The following CDK6 variants were observed in gnomAD, a reference collection of about 807,000 sequenced individuals.
CDK6 encodes the protein cyclin dependent kinase 6.
A neutral mutation model predicts 37.1 loss-of-function variants in CDK6; 6 were observed. That is an observed-to-expected ratio of 0.16 (90% CI 0.09 to 0.32). The LOEUF (loss-of-function observed/expected upper bound fraction) is 0.32, where lower values mean the gene tolerates loss of function less well. Ranked by LOEUF, CDK6 falls within the 10% of genes least tolerant of loss-of-function variation. The pLI is 1.00. For missense variants in CDK6, 224 were observed against 418.9 expected, an observed-to-expected ratio of 0.53 and a Z score of 4.06; for synonymous variants, 160 against 161.3, an observed-to-expected ratio of 0.99 and a Z score of 0.06.
At chr7:92,651,840 T>C (rs1796581580) in intron 5 of CDK6, among the ~76,000 whole-genome samples, 1 of 151,894 alleles carries the variant, frequency 6.6e-6, no homozygotes, top group Non-Finnish European at 1.5e-5. Flanking sequence ...CCCTGGGATC[T>C]TGGAGAGGGG....
At chr7:92,667,126 TAAA>T (rs1367966770) in intron 5 of CDK6, among the ~76,000 whole-genome samples, 1 of 152,024 alleles carries the variant, frequency 6.6e-6, no homozygotes, top group Non-Finnish European at 1.5e-5. Flanking sequence ...AGTAAAAAAA[TAAA>T]AAATTTAAAA....
intron 3 of CDK6, among the ~76,000 whole-genome samples, chr7:92,739,946 A>G (rs1210237260): frequency 1.3e-5 from 2 of 152,048 alleles, no homozygotes; most frequent in African/African-American, 4.8e-5. Context: ...TTTTGTAGAG[A>G]CAGAGTCTTG....
chr7:92,738,858 C>T (rs543903257), intron 3 of CDK6, among the ~76,000 whole-genome samples: 1 of 152,190 alleles, frequency 6.6e-6, no homozygotes, highest in South Asian at 2.1e-4. Context: ...CGCCTCTTGC[C>T]TTCAAACTTT....
intron 2 of CDK6, among the ~76,000 whole-genome samples, chr7:92,830,875 T>C (rs559167647): frequency 3.5e-4 from 53 of 152,292 alleles, no homozygotes; most frequent in South Asian, 2.5e-3. Flanking sequence ...GCCTGTAATG[T>C]CTGGGTTTGA....
At chr7:92,638,117 G>A (rs986331860) in intron 5 of CDK6, among the ~76,000 whole-genome samples, 3 of 152,104 alleles carry the variant, frequency 2.0e-5, no homozygotes, top group Admixed American at 6.5e-5. Context: ...CTGTGGTTTT[G>A]CATGCTAAAA....
At chr7:92,655,022 T>C (rs1457798305) in intron 5 of CDK6, among the ~76,000 whole-genome samples, 1 of 151,280 alleles carries the variant, frequency 6.6e-6, no homozygotes, top group African/African-American at 2.4e-5. Flanking sequence ...TTTTTTTTTT[T>C]TTTTGTAGAG....
At chr7:92,745,067 A>C (rs562204727) in intron 3 of CDK6, among the ~76,000 whole-genome samples, 24 of 152,338 alleles carry the variant, frequency 1.6e-4, no homozygotes, top group Admixed American at 1.2e-3. Context: ...GCTAATTAAC[A>C]TGTCCATTTT....
chr7:92,824,312 C>A (rs2115995197), intron 2 of CDK6, among the ~76,000 whole-genome samples: 1 of 151,812 alleles, frequency 6.6e-6, no homozygotes, highest in African/African-American at 2.4e-5. Flanking sequence ...AGCAGAAATT[C>A]CAAAGTATGA....
intron 6 of CDK6, 96 bp from the exon 7 acceptor site, chr7:92,618,303 C>G (rs2116485658): frequency 1.6e-6 from 2 of 1,260,674 alleles, no homozygotes; most frequent in Non-Finnish European, 2.3e-6. Flanking sequence ...AAGGGGGAGA[C>G]ATGGGGGGCA....
At chr7:92,765,890 A>G (rs1799568025) in intron 3 of CDK6, among the ~76,000 whole-genome samples, 1 of 152,204 alleles carries the variant, frequency 6.6e-6, no homozygotes, top group Admixed American at 6.5e-5. Context: ...TCAGAGAAGG[A>G]ATGATGAAGA....
At chr7:92,820,606 G>C (rs1468535016) in intron 2 of CDK6, among the ~76,000 whole-genome samples, 1 of 152,086 alleles carries the variant, frequency 6.6e-6, no homozygotes, top group Non-Finnish European at 1.5e-5. Flanking sequence ...TGCCCAAAGT[G>C]AAAGTATGAA....
chr7:92,722,475 T>G (rs570614604), intron 4 of CDK6, among the ~76,000 whole-genome samples: 1 of 152,208 alleles, frequency 6.6e-6, no homozygotes, highest in East Asian at 1.9e-4. Flanking sequence ...CGTCAACTTT[T>G]CACTCCTAAC....
intron 4 of CDK6, among the ~76,000 whole-genome samples, chr7:92,703,919 C>T (rs1797910544): frequency 1.3e-5 from 2 of 152,172 alleles, no homozygotes; most frequent in Non-Finnish European, 2.9e-5. Context: ...CTCAGACTAC[C>T]TCCCTGATCT....
Position 92,615,117 on chromosome 7 carries a change from A to G in CDK6, c.*23T>C. The G allele has an allele frequency of 1.9e-6, 3 of 1,612,634 alleles. No homozygotes were observed. The highest frequency in any genetic ancestry group is 2.5e-6 in the Non-Finnish European group (3 of 1,179,754). Reference sequence around the variant, plus strand: ...CACCAAGGGTGTTCTCCGCAGGATCAGCTTAAGGCGGCTGCTGAGGCCTCA... The same window carrying G: ...CACCAAGGGTGTTCTCCGCAGGATCGGCTTAAGGCGGCTGCTGAGGCCTCA... On this transcript the variant is annotated 3_prime_UTR_variant, in exon 8 of 8. Transcript: ENST00000424848.
chr7:92,725,216 T>C, intron 4 of CDK6: 1 of 985,420 alleles, frequency 1.0e-6, no homozygotes, highest in African/African-American at 1.7e-5. Context: ...CAAACCTGTG[T>C]AGGCACTCTG....
chr7:92,694,365 T>A (rs1450462894), intron 4 of CDK6, among the ~76,000 whole-genome samples: 1 of 152,230 alleles, frequency 6.6e-6, no homozygotes, highest in African/African-American at 2.4e-5. Flanking sequence ...AAATTCTACA[T>A]GCTCAGTGAC....
intron 5 of CDK6, among the ~76,000 whole-genome samples, chr7:92,627,971 A>G (rs1414606846): frequency 6.6e-6 from 1 of 152,088 alleles, no homozygotes; most frequent in Admixed American, 6.6e-5. Context: ...GTCTACATAT[A>G]TGAAAGGCTT....
intron 5 of CDK6, 53 bp from the exon 6 acceptor site, chr7:92,623,139 A>AATCATATTT: frequency 8.4e-7 from 1 of 1,189,692 alleles, no homozygotes; most frequent in East Asian, 2.5e-5. Flanking sequence ...ATTACATTTC[A>AATCATATTT]ATCATATTTG....
intron 4 of CDK6, among the ~76,000 whole-genome samples, chr7:92,685,102 T>C (rs1197744731): frequency 6.6e-6 from 1 of 152,226 alleles, no homozygotes. Context: ...ATCTCTTCTA[T>C]GAGCAGAGAT....
Sources: allele counts gnomAD v4.1 joint callset (sites outside exome capture counted in the v4.1 genomes callset), GRCh38; gene constraint gnomAD v4.1.1; transcripts MANE v1.5; gene names NCBI Gene and HGNC (gene_info 2026-07-23, HGNC 2026-07-21).